Variants in RBFOX1 observed in about 807,000 individuals in gnomAD.
The protein encoded by RBFOX1 is RNA binding protein fox-1 homolog 1.
In RBFOX1, 8 loss-of-function variants were observed where a neutral mutation model predicts 57.7. That is an observed-to-expected ratio of 0.14 (90% CI 0.08 to 0.25). The LOEUF (loss-of-function observed/expected upper bound fraction) is 0.25. RBFOX1 is among the 10% of genes least tolerant of loss of function. The probability of loss-of-function intolerance (pLI) is 1.00; values close to 1 mark genes in which losing one functional copy is unlikely to be tolerated. For synonymous variants in RBFOX1, 326 were observed against 222.4 expected (o/e 1.47, Z -4.15); for missense variants, 611 against 548.5 (o/e 1.11, Z -1.14).
At chr16:6,000,359 G>A (rs1169318163) in intron 4 of RBFOX1, among the ~76,000 whole-genome samples, 13 of 152,202 alleles carry the variant, frequency 8.5e-5, no homozygotes, top group Non-Finnish European at 1.6e-4. Context: ...TGACCAGGGA[G>A]AGGCAGTAAC....
intron 4 of RBFOX1, among the ~76,000 whole-genome samples, chr16:7,366,538 C>T (rs1224615814): frequency 1.3e-5 from 2 of 152,168 alleles, no homozygotes; most frequent in Non-Finnish European, 1.5e-5. Flanking sequence ...GTCCTTCCTC[C>T]CTGGTCCAAC....
chr16:6,177,639 A>G (rs1423632494), intron 1 of RBFOX1, among the ~76,000 whole-genome samples: 1 of 152,190 alleles, frequency 6.6e-6, no homozygotes, highest in Non-Finnish European at 1.5e-5. Flanking sequence ...GCAAGATATA[A>G]AGATGCTCAA....
rs181072806 is a variant in RBFOX1 at position 7,209,736 on chromosome 16, G to A, written c.27+157638G>A. Among the ~76,000 whole-genome samples the A allele has an allele frequency of 6.1e-3, 936 of 152,290 alleles. 10 individuals are homozygous for A. The highest frequency in any genetic ancestry group is 0.03 in the South Asian group (146 of 4,830). On this transcript the variant is annotated intron_variant, in intron 4 of 15. Coordinates refer to ENST00000550418, the MANE Select transcript of RBFOX1 (RefSeq NM_018723.4). The stretch of plus-strand genomic sequence containing the variant: ...CTTCACTGAGTGTAACCTTTGTGGG[G>A]GCAGGAGTCTTGTCTGAGTCATCAT...
chr16:5,631,330 A>T (rs2048499499), intron 3 of RBFOX1, among the ~76,000 whole-genome samples: 1 of 152,154 alleles, frequency 6.6e-6, no homozygotes, highest in South Asian at 2.1e-4. Context: ...AAGCCGAGGC[A>T]GGTGGATCAC....
intron 14 of RBFOX1, among the ~76,000 whole-genome samples, chr16:7,685,556 CAGAA>C (rs2075888033): frequency 6.6e-6 from 1 of 151,960 alleles, no homozygotes; most frequent in Non-Finnish European, 1.5e-5. Context: ...TAATTAGAAT[CAGAA>C]AGAGATGAAG....
chr16:6,139,032 C>T (rs760851213), intron 1 of RBFOX1, among the ~76,000 whole-genome samples: 1 of 152,092 alleles, frequency 6.6e-6, no homozygotes, highest in Non-Finnish European at 1.5e-5. Context: ...CTGTTACCTG[C>T]AATTATTATT....
intron 4 of RBFOX1, among the ~76,000 whole-genome samples, chr16:5,987,343 A>G (rs1184522753): frequency 1.3e-5 from 2 of 152,094 alleles, no homozygotes; most frequent in African/African-American, 4.8e-5. Flanking sequence ...TTGTCTCCTC[A>G]TCCTCTTTCC....
At chr16:5,900,558 C>T (rs187335312) in intron 4 of RBFOX1, among the ~76,000 whole-genome samples, 6 of 152,278 alleles carry the variant, frequency 3.9e-5, no homozygotes, top group East Asian at 1.9e-4. Context: ...ACCCGTTCAT[C>T]GCAACCTTCC....
At chr16:7,382,783 G>A (rs2148023414) in intron 4 of RBFOX1, among the ~76,000 whole-genome samples, 1 of 152,338 alleles carries the variant, frequency 6.6e-6, no homozygotes, top group African/African-American at 2.4e-5. Flanking sequence ...TATCCCAAGT[G>A]CTTCATGGAG....
At chr16:7,048,534 C>G (rs935382632) in intron 3 of RBFOX1, among the ~76,000 whole-genome samples, 1 of 152,216 alleles carries the variant, frequency 6.6e-6, no homozygotes, top group African/African-American at 2.4e-5. Flanking sequence ...GCTGGGATTA[C>G]AGGCGTGAGC....
chr16:5,743,696 G>C (rs1315934567), intron 3 of RBFOX1, among the ~76,000 whole-genome samples: 2 of 152,054 alleles, frequency 1.3e-5, no homozygotes, highest in Non-Finnish European at 2.9e-5. Flanking sequence ...CTTAAAACGA[G>C]ATCTGCCTTG....
intron 3 of RBFOX1, among the ~76,000 whole-genome samples, chr16:6,761,078 G>T (rs186275894): frequency 6.6e-6 from 1 of 152,176 alleles, no homozygotes; most frequent in East Asian, 1.9e-4. Context: ...CTATTGATTA[G>T]TAGGGGGCTA....
intron 3 of RBFOX1, among the ~76,000 whole-genome samples, chr16:5,863,356 A>G (rs939360789): frequency 5.3e-5 from 8 of 152,248 alleles, no homozygotes; most frequent in African/African-American, 1.9e-4. Context: ...GCCCGCCTCA[A>G]ACACGGCTCT....
chr16:6,883,410 A>T (rs977497190), intron 3 of RBFOX1, among the ~76,000 whole-genome samples: 1 of 152,182 alleles, frequency 6.6e-6, no homozygotes, highest in East Asian at 1.9e-4. Context: ...AATCCAATCA[A>T]CTTAATTAAT....
intron 4 of RBFOX1, 139 bp downstream of exon 4, chr16:7,052,237 A>G: frequency 1.5e-6 from 2 of 1,330,370 alleles, no homozygotes; most frequent in Non-Finnish European, 2.0e-6. Flanking sequence ...TATTTATCCC[A>G]GCTTATTTAG....
chr16:5,423,375 A>T (rs2067414175), intron 1 of RBFOX1, among the ~76,000 whole-genome samples: 1 of 152,136 alleles, frequency 6.6e-6, no homozygotes, highest in Non-Finnish European at 1.5e-5. Flanking sequence ...TCTGATGTAT[A>T]GATTTATGTA....
chr16:7,513,962 G>T (rs549889921), intron 4 of RBFOX1, among the ~76,000 whole-genome samples: 78 of 152,128 alleles, frequency 5.1e-4, no homozygotes, highest in Non-Finnish European at 8.7e-4. Context: ...ACCCCTCTTT[G>T]GTTTGGAGAG....
At chr16:6,466,412 A>C (rs1403711979) in intron 2 of RBFOX1, among the ~76,000 whole-genome samples, 1 of 152,126 alleles carries the variant, frequency 6.6e-6, no homozygotes, top group Non-Finnish European at 1.5e-5. Flanking sequence ...CTCAGCCACC[A>C]CCTGAAGTAG....
chr16:5,509,081 C>T (rs868187390), intron 2 of RBFOX1, among the ~76,000 whole-genome samples: 1 of 152,146 alleles, frequency 6.6e-6, no homozygotes, highest in African/African-American at 2.4e-5. Context: ...GGAAATATAA[C>T]GTGGAGTGAA....
Sources: allele counts gnomAD v4.1 joint callset (sites outside exome capture counted in the v4.1 genomes callset), GRCh38; gene constraint gnomAD v4.1.1; transcripts MANE v1.5; gene names NCBI Gene and HGNC (gene_info 2026-07-23, HGNC 2026-07-21).